Variants in GUCY1A2 observed in about 807,000 individuals in gnomAD.
GUCY1A2 encodes guanylate cyclase 1 soluble subunit alpha 2, also known as guanylate cyclase soluble subunit alpha-2.
GUCY1A2 carries 27 observed loss-of-function variants against 63.5 expected under a neutral mutation model. The ratio of observed to expected loss-of-function variants is 0.43; its 90% CI spans 0.31 to 0.59. The LOEUF is 0.59. Among genes scored for constraint, GUCY1A2 ranks in the 20% least tolerant of loss-of-function variants. The probability of loss-of-function intolerance (pLI) is 0.11; values close to 1 mark genes in which losing one functional copy is unlikely to be tolerated. For synonymous variants in GUCY1A2, 364 were observed against 343.5 expected (o/e 1.06, Z -0.66); for missense variants, 768 against 913.3 (o/e 0.84, Z 2.05).
At position 106,676,086 on chromosome 11, in the gene GUCY1A2, ATAAT is replaced by A. The variant is rs1361130227; in HGVS notation, c.*11459_*11462del. The A allele has an allele frequency of 5.5e-6, 1 of 182,906 alleles. No individual in the cohort carries two copies. 11.3% of individuals were successfully genotyped at this position (182,906 alleles called of 1,614,324 possible). On this transcript the variant is annotated 3_prime_UTR_variant, in exon 8 of 8. Coordinates refer to ENST00000526355, the MANE Select transcript of GUCY1A2 (RefSeq NM_000855.3). ...ATTAACACAAACTTATGTCATGAAG[ATAAT>A]TAAGTGGTTTGAATATAATCTTAAT... is the stretch of plus-strand genomic sequence containing the variant.
chr11:106,824,360 G>T (rs1591291411), intron 4 of GUCY1A2, among the ~76,000 whole-genome samples: 1 of 152,164 alleles, frequency 6.6e-6, no homozygotes, highest in East Asian at 1.9e-4. Flanking sequence ...ATAAGTGAAA[G>T]AATTTAGACT....
At chr11:106,932,709 T>C (rs1860619559) in intron 4 of GUCY1A2, among the ~76,000 whole-genome samples, 2 of 152,164 alleles carry the variant, frequency 1.3e-5, no homozygotes, top group African/African-American at 4.8e-5. Context: ...TCACATTACC[T>C]GACTTCAAAC....
intron 4 of GUCY1A2, among the ~76,000 whole-genome samples, chr11:106,868,293 T>G (rs190623663): frequency 6.6e-6 from 1 of 152,092 alleles, no homozygotes; most frequent in African/African-American, 2.4e-5. Context: ...AGCAATGCAG[T>G]TAGGCAAAGA....
At position 106,682,492 on chromosome 11, in the gene GUCY1A2, C is replaced by A. The variant is rs578226295; in HGVS notation, c.*5057G>T. On this transcript the variant is annotated 3_prime_UTR_variant, in exon 8 of 8. Coordinates refer to ENST00000526355, the MANE Select transcript of GUCY1A2 (RefSeq NM_000855.3). ...CCCTACGGAATTCTTATGAAGCCAG[C>A]CAGATACTTCCAAGCAGATCAGCTG... is the stretch of plus-strand genomic sequence containing the variant. 3.8e-4 allele frequency: 80 copies of A among 209,610 alleles called. 1 individual carries two copies. The South Asian group carries it at 0.012, about 33-fold the overall frequency. 13.0% of individuals were successfully genotyped at this position (209,610 alleles called of 1,614,324 possible). A position where few individuals can be genotyped will look rare whatever the true frequency, so the allele number is the denominator to read the frequency against.
intron 4 of GUCY1A2, among the ~76,000 whole-genome samples, chr11:106,922,680 TA>T: frequency 1.3e-4 from 1 of 7,830 alleles, no homozygotes; most frequent in Non-Finnish European, 3.3e-4. Context: ...TATATATATA[TA>T]TATATATATA....
chr11:106,985,112 T>C (rs1205631856), intron 2 of GUCY1A2, among the ~76,000 whole-genome samples: 2 of 152,208 alleles, frequency 1.3e-5, no homozygotes, highest in Non-Finnish European at 2.9e-5. Flanking sequence ...AATTATGTTA[T>C]TGATCCCTAT....
intron 4 of GUCY1A2, among the ~76,000 whole-genome samples, chr11:106,933,149 A>C (rs964812890): frequency 6.6e-6 from 1 of 152,202 alleles, no homozygotes; most frequent in Non-Finnish European, 1.5e-5. Flanking sequence ...TCTGAAAAGC[A>C]AAGTAAATGA....
chr11:106,683,335 G>A lies in GUCY1A2; in HGVS notation c.*4214C>T, dbSNP rs920237454. The A allele has an allele frequency of 6.3e-5, 14 of 222,244 alleles. No homozygotes were observed. The highest frequency in any genetic ancestry group is 1.8e-4 in the South Asian group (1 of 5,448). The allele number at this position is 222,244 out of a possible 1,614,324, so 13.8% of individuals were successfully genotyped here. A position where few individuals can be genotyped will look rare whatever the true frequency, so the allele number is the denominator to read the frequency against. On this transcript the variant is annotated 3_prime_UTR_variant, in exon 8 of 8. Coordinates refer to ENST00000526355, the MANE Select transcript of GUCY1A2 (RefSeq NM_000855.3). ...TTCTAGATATTGTCAGCTGAAAGAC[G>A]CCTGGTGCTACCCAAAGCCTATTCA...
rs1016187472 is a variant in GUCY1A2, at chr11:106,751,427, T to C, written c.1836+25012A>G. ...AAGTTTTATTCTCCTGTGGTTACTA[T>C]CATGCATCAAATCATTAAATAGCAT... On this transcript the variant is annotated intron_variant, in intron 6 of 7. Coordinates refer to ENST00000526355, the MANE Select transcript of GUCY1A2 (RefSeq NM_000855.3). Among the ~76,000 whole-genome samples the C allele has an allele frequency of 3.3e-5, 5 of 151,872 alleles. No homozygotes were observed. The East Asian group carries it at 9.6e-4, about 29-fold the overall frequency.
intron 4 of GUCY1A2, among the ~76,000 whole-genome samples, chr11:106,872,179 T>C (rs562868444): frequency 2.7e-3 from 411 of 152,234 alleles, no homozygotes; most frequent in Middle Eastern, 6.8e-3. Context: ...AGAATAAATG[T>C]AAAACCTTGT....
intron 5 of GUCY1A2, among the ~76,000 whole-genome samples, chr11:106,795,123 A>G (rs1294240425): frequency 6.6e-6 from 1 of 152,216 alleles, no homozygotes; most frequent in Non-Finnish European, 1.5e-5. Context: ...TTATAGATGC[A>G]GAAGCTGAAC....
At chr11:106,728,377 T>C (rs957049866) in intron 6 of GUCY1A2, among the ~76,000 whole-genome samples, 1 of 152,198 alleles carries the variant, frequency 6.6e-6, no homozygotes, top group Non-Finnish European at 1.5e-5. Flanking sequence ...TGTATTTTAG[T>C]ACATATATAT....
In GUCY1A2 at chr11:106,681,865, T is replaced by C. The variant is rs888853047; in HGVS notation, c.*5684A>G. ...AAATCAGTTTTCAGATAATGTACAA[T>C]TCAATATGAAAAGTACATAGTGAGA... On this transcript the variant is annotated 3_prime_UTR_variant, in exon 8 of 8. Transcript: ENST00000526355. 1.4e-5 allele frequency: 3 copies of C among 214,930 alleles called. No homozygotes were observed. Among genetic ancestry groups the C allele is most frequent in the Admixed American group, 1.2e-4 (2 of 17,048 alleles). The allele number at this position is 214,930 out of a possible 1,614,324, so 13.3% of individuals were successfully genotyped here. A position where few individuals can be genotyped will look rare whatever the true frequency, so the allele number is the denominator to read the frequency against.
chr11:106,905,228 G>C (rs915941794), intron 4 of GUCY1A2, among the ~76,000 whole-genome samples: 1 of 152,106 alleles, frequency 6.6e-6, no homozygotes, highest in South Asian at 2.1e-4. Flanking sequence ...CTAATAGAAA[G>C]CTGACTCATA....
At chr11:106,882,976 G>A (rs1386119042) in intron 4 of GUCY1A2, among the ~76,000 whole-genome samples, 1 of 151,846 alleles carries the variant, frequency 6.6e-6, no homozygotes, top group Non-Finnish European at 1.5e-5. Context: ...GAATTTTGAG[G>A]GTCATTTAGT....
chr11:106,831,227 T>C (rs542826851), intron 4 of GUCY1A2, among the ~76,000 whole-genome samples: 1 of 152,314 alleles, frequency 6.6e-6, no homozygotes, highest in South Asian at 2.1e-4. Flanking sequence ...ATGATGAAGG[T>C]TGACTTTGCA....
At chr11:106,908,982 G>GT (rs1860253065) in intron 4 of GUCY1A2, among the ~76,000 whole-genome samples, 1 of 151,856 alleles carries the variant, frequency 6.6e-6, no homozygotes, top group African/African-American at 2.4e-5. Context: ...AGTAAAAGAA[G>GT]AAAATTTGGG....
At chr11:106,946,898 T>C (rs887104295) in intron 3 of GUCY1A2, among the ~76,000 whole-genome samples, 12 of 152,198 alleles carry the variant, frequency 7.9e-5, no homozygotes, top group Non-Finnish European at 1.8e-4. Context: ...TTATATAGTT[T>C]CAAAATTATA....
At chr11:106,980,870 C>G (rs1007671766) in intron 2 of GUCY1A2, among the ~76,000 whole-genome samples, 3 of 26,652 alleles carry the variant, frequency 1.1e-4, no homozygotes, top group African/African-American at 3.6e-4. Flanking sequence ...ATGTTAAACA[C>G]AGGCAACCCC....
Sources: allele counts gnomAD v4.1 joint callset (sites outside exome capture counted in the v4.1 genomes callset), GRCh38; gene constraint gnomAD v4.1.1; transcripts MANE v1.5; gene names NCBI Gene and HGNC (gene_info 2026-07-23, HGNC 2026-07-21).